Variants in SLMAP observed in about 807,000 individuals in gnomAD.
SLMAP encodes sarcolemmal membrane-associated protein.
Under a neutral mutation model 128.8 loss-of-function variants are expected in SLMAP, and 44 were observed. The ratio of observed to expected loss-of-function variants is 0.34; its 90% confidence interval spans 0.27 to 0.44. The LOEUF (loss-of-function observed/expected upper bound fraction) is 0.44, where lower values mean the gene tolerates loss of function less well. Ranked by LOEUF, SLMAP falls within the 20% of genes least tolerant of loss-of-function variation. SLMAP has a pLI of 1.00. For synonymous variants in SLMAP, 327 were observed against 348.8 expected, an observed-to-expected ratio of 0.94 and a Z score of 0.70; for missense variants, 787 against 985.3, an observed-to-expected ratio of 0.80 and a Z score of 2.69.
chr3:57,879,811 C>T (rs558661017), intron 14 of SLMAP, among the ~76,000 whole-genome samples: 4 of 151,506 alleles, frequency 2.6e-5, no homozygotes, highest in Non-Finnish European at 5.9e-5. Context: ...GCATGTGTGG[C>T]GGGTGGCGGG....
At chr3:57,826,524 G>T (rs1480950239) in intron 2 of SLMAP, among the ~76,000 whole-genome samples, 1 of 152,074 alleles carries the variant, frequency 6.6e-6, no homozygotes, top group African/African-American at 2.4e-5. Context: ...TAAAAATATG[G>T]TGGCTTCCTT....
chr3:57,840,835 G>T (rs373543474), intron 3 of SLMAP, among the ~76,000 whole-genome samples: 1 of 152,180 alleles, frequency 6.6e-6, no homozygotes, highest in Admixed American at 6.5e-5. Context: ...ATAAAATGGG[G>T]GATTGAGTGG....
At chr3:57,854,026 A>T (rs1468267408) in intron 6 of SLMAP, among the ~76,000 whole-genome samples, 1 of 109,028 alleles carries the variant, frequency 9.2e-6, no homozygotes, top group Non-Finnish European at 1.8e-5. Flanking sequence ...ATTATATATA[A>T]TATATAATGT....
chr3:57,801,446 T>C (rs1301698482), intron 2 of SLMAP: 2 of 152,728 alleles, frequency 1.3e-5, no homozygotes, highest in African/African-American at 2.4e-5. Flanking sequence ...CTAGCTGGCT[T>C]CTGGGTGAGC....
intron 13 of SLMAP, among the ~76,000 whole-genome samples, chr3:57,868,241 A>G (rs986007141): frequency 1.3e-5 from 2 of 152,112 alleles, no homozygotes; most frequent in African/African-American, 4.8e-5. Context: ...CCTGGGTGAC[A>G]GAGTGAGACC....
chr3:57,838,726 G>GC (rs1188582626), intron 3 of SLMAP, among the ~76,000 whole-genome samples: 2 of 152,186 alleles, frequency 1.3e-5, no homozygotes, highest in Non-Finnish European at 2.9e-5. Flanking sequence ...GGTCATGCAG[G>GC]CGAGAGGATA....
intron 6 of SLMAP, among the ~76,000 whole-genome samples, chr3:57,851,556 T>C (rs1461199135): frequency 6.6e-6 from 1 of 151,502 alleles, no homozygotes; most frequent in Non-Finnish European, 1.5e-5. Flanking sequence ...CATTGCAACC[T>C]CCACCTCCCG....
intron 4 of SLMAP, among the ~76,000 whole-genome samples, chr3:57,846,530 A>G (rs958103861): frequency 2.6e-5 from 4 of 151,158 alleles, no homozygotes; most frequent in Non-Finnish European, 5.9e-5. Context: ...CATAATTTAC[A>G]TATTTCAAAA....
At chr3:57,896,643 T>C in intron 16 of SLMAP, 52 bp downstream of exon 16, 2 of 1,420,222 alleles carry the variant, frequency 1.4e-6, no homozygotes, top group South Asian at 2.5e-5. Flanking sequence ...GGCAGTTTAG[T>C]TATATAGGTC....
chr3:57,855,314 G>A (rs1222780279), intron 6 of SLMAP, among the ~76,000 whole-genome samples: 1 of 151,308 alleles, frequency 6.6e-6, no homozygotes, highest in East Asian at 2.0e-4. Context: ...GGAGGCAGAG[G>A]TTGCAGTAAG....
chr3:57,807,274 A>G (rs149104766), intron 2 of SLMAP, among the ~76,000 whole-genome samples: 1 of 152,246 alleles, frequency 6.6e-6, no homozygotes, highest in African/African-American at 2.4e-5. Context: ...CCTTTGTCAG[A>G]TGGGTAGATT....
At chr3:57,894,041 T>G (rs1385611445) in intron 15 of SLMAP, among the ~76,000 whole-genome samples, 1 of 152,240 alleles carries the variant, frequency 6.6e-6, no homozygotes, top group African/African-American at 2.4e-5. Flanking sequence ...ATTTTAATGT[T>G]GTATTAAATA....
rs973022350 is a variant in SLMAP, at chr3:57,780,649, A to AT, written c.198+22812dup. Among the ~76,000 whole-genome samples the AT allele has an allele frequency of 3.2e-3, 460 of 145,016 alleles. 1 individual carries two copies. Among genetic ancestry groups the AT allele is most frequent in the African/African-American group, 5.3e-3 (209 of 39,652 alleles). On this transcript the variant is annotated intron_variant, in intron 2 of 24. Coordinates refer to ENST00000671191, the MANE Select transcript of SLMAP (RefSeq NM_001377540.1). ...CTTTGTAGGTATTTCAACTTAAATA[A>AT]TTTTTTTTTTTTGAGACAGGGTCTT...
At chr3:57,795,609 T>G (rs561728615) in intron 2 of SLMAP, among the ~76,000 whole-genome samples, 2 of 152,178 alleles carry the variant, frequency 1.3e-5, no homozygotes, top group Non-Finnish European at 2.9e-5. Context: ...CTGTATCAGA[T>G]AAATGATTTG....
intron 2 of SLMAP, among the ~76,000 whole-genome samples, chr3:57,777,650 G>A (rs1459747950): frequency 6.6e-6 from 1 of 151,894 alleles, no homozygotes; most frequent in Non-Finnish European, 1.5e-5. Flanking sequence ...TATATCACTT[G>A]CAAAAGGTTA....
At position 57,757,567 on chromosome 3, in the gene SLMAP, G is replaced by A. The variant is rs2077829508; in HGVS notation, c.-85G>A. 2 of 1,305,246 alleles carry A rather than the reference G, an allele frequency of 1.5e-6. No homozygotes were observed. Among genetic ancestry groups the A allele is most frequent in the Admixed American group, 3.7e-5 (2 of 54,742 alleles). 80.9% of individuals were successfully genotyped at this position (1,305,246 alleles called of 1,614,324 possible). ...TTAATTTAAAATTTTGGGTGGGATA[G>A]GGGCATAGGCTTGTGAAGGGCAGTC... On this transcript the variant is annotated 5_prime_UTR_variant, in exon 2 of 25. It removes the in-frame stop codon of an upstream open reading frame in the 5' UTR. Coordinates refer to ENST00000671191, the MANE Select transcript of SLMAP (RefSeq NM_001377540.1).
At chr3:57,867,938 T>C (rs955204468) in intron 13 of SLMAP, among the ~76,000 whole-genome samples, 3 of 152,142 alleles carry the variant, frequency 2.0e-5, no homozygotes, top group Admixed American at 6.6e-5. Flanking sequence ...GCTGAATGTA[T>C]CTTAGAGAGT....
chr3:57,799,701 A>G (rs560492285), intron 2 of SLMAP, among the ~76,000 whole-genome samples: 3 of 152,260 alleles, frequency 2.0e-5, no homozygotes, highest in Admixed American at 2.0e-4. Flanking sequence ...CATCAGGATG[A>G]TGTATTTTTT....
At chr3:57,756,513 CT>C (rs2077728359) in intron 1 of SLMAP, 34 bp from the exon 2 acceptor site, 1 of 152,622 alleles carries the variant, frequency 6.6e-6, no homozygotes, top group Non-Finnish European at 1.5e-5. Flanking sequence ...GCTGAGGCGC[CT>C]GACGGCCGTT....
Sources: gnomAD v4.1 joint callset for allele counts (sites outside exome capture counted in the v4.1 genomes callset) on GRCh38, gnomAD v4.1.1 for gene constraint, MANE v1.5 for transcripts, NCBI Gene and HGNC (gene_info 2026-07-23, HGNC 2026-07-21) for gene names.